Variants in LGR4 observed in about 807,000 individuals in gnomAD.
LGR4 encodes leucine rich repeat containing G protein-coupled receptor 4.
LGR4 carries 44 observed loss-of-function variants against 84.8 expected under a neutral mutation model. The observed-to-expected ratio is 0.52, with a 90% CI of 0.41 to 0.67. The LOEUF (loss-of-function observed/expected upper bound fraction) is 0.67. LGR4 is among the 30% of genes least tolerant of loss of function. The pLI, the probability that LGR4 is intolerant of heterozygous loss-of-function variation, is 0.00. For synonymous variants in LGR4, 429 were observed against 434.3 expected (o/e 0.99, Z 0.15); for missense variants, 1,032 against 1,131.4 (o/e 0.91, Z 1.26).
chr11:27,394,604 T>C (rs1863352672), intron 2 of LGR4, among the ~76,000 whole-genome samples: 1 of 152,124 alleles, frequency 6.6e-6, no homozygotes, highest in Admixed American at 6.6e-5. Context: ...GGTTTCACCA[T>C]GTTGGCCAGG....
intron 2 of LGR4, among the ~76,000 whole-genome samples, chr11:27,401,928 G>C (rs189135544): frequency 1.3e-5 from 2 of 152,210 alleles, no homozygotes; most frequent in Non-Finnish European, 2.9e-5. Context: ...CTGCTAAGTG[G>C]TGAGAAGTAG....
chr11:27,426,993 G>A (rs927105446), intron 1 of LGR4, among the ~76,000 whole-genome samples: 4 of 152,138 alleles, frequency 2.6e-5, no homozygotes, highest in African/African-American at 7.2e-5. Flanking sequence ...CTAAAGTAAT[G>A]ACCTAATGTT....
intron 13 of LGR4, among the ~76,000 whole-genome samples, chr11:27,374,512 C>A (rs2133363666): frequency 6.6e-6 from 1 of 152,182 alleles, no homozygotes; most frequent in East Asian, 1.9e-4. Flanking sequence ...GCTGCAGATA[C>A]CCTTCTTTTC....
intron 2 of LGR4, among the ~76,000 whole-genome samples, chr11:27,407,788 G>A (rs897651817): frequency 6.6e-6 from 1 of 151,978 alleles, no homozygotes; most frequent in Non-Finnish European, 1.5e-5. Context: ...CAATCATCTT[G>A]TGGTTATTCA....
intron 2 of LGR4, among the ~76,000 whole-genome samples, chr11:27,410,693 A>G (rs541042690): frequency 5.3e-5 from 8 of 152,174 alleles, no homozygotes; most frequent in Non-Finnish European, 8.8e-5. Context: ...AAAAGTTATT[A>G]AAGACTATTT....
chr11:27,396,255 C>A lies in LGR4; in HGVS notation c.258-3737G>T, dbSNP rs552264221. ...GAAATAATTCACAGAAAAGGTGGGG[C>A]AGAGTGGACTTGAGCAAGTTAACAG... is the stretch of plus-strand genomic sequence containing the variant. On this transcript the variant is annotated intron_variant, in intron 2 of 17. Transcript: ENST00000379214. Among the ~76,000 whole-genome samples the A allele has an allele frequency of 8.9e-4, 135 of 152,302 alleles. 1 individual carries two copies. The highest frequency in any genetic ancestry group is 3.2e-3 in the African/African-American group (132 of 41,586).
chr11:27,441,556 T>G (rs1864303677), intron 1 of LGR4, among the ~76,000 whole-genome samples: 1 of 152,026 alleles, frequency 6.6e-6, no homozygotes. Context: ...GAGAAAGAAA[T>G]GAATGATAGA....
intron 2 of LGR4, among the ~76,000 whole-genome samples, chr11:27,411,818 C>T (rs748368077): frequency 6.6e-6 from 1 of 152,048 alleles, no homozygotes; most frequent in Non-Finnish European, 1.5e-5. Flanking sequence ...TTATTAGACT[C>T]CTGTTCCCCA....
chr11:27,378,763 A>G lies in LGR4; in HGVS notation c.977T>C (p.Leu326Ser). The G allele has an allele frequency of 6.2e-7, 1 of 1,609,236 alleles. No homozygotes were observed. Among genetic ancestry groups the G allele is most frequent in the Non-Finnish European group, 8.5e-7 (1 of 1,177,038 alleles). The change falls in exon 11 of 18, where the codon TTG becomes TCG. Residue 326 changes from leucine (L) to serine (S), a missense_variant. By Grantham distance (145) the Leu-to-Ser change is moderately radical. Coordinates refer to ENST00000379214, the MANE Select transcript of LGR4 (RefSeq NM_018490.5). Reference protein sequence around the residue: ...TGTVHLESLTLTGTKISSIPN... With the variant: ...TGTVHLESLTSTGTKISSIPN... ...TATGCTGCTTATCTTTGTACCTGTC[A>G]AAGTCCTGCGGAAAAACATTATTCA...
In LGR4 at chr11:27,472,284, G is replaced by C. The variant is rs1864893497; in HGVS notation, c.19C>G (p.Leu7Val). The C allele has an allele frequency of 8.2e-7, 1 of 1,214,658 alleles. No individual in the cohort carries two copies. Among genetic ancestry groups the C allele is most frequent in the East Asian group, 3.4e-5 (1 of 29,152 alleles). 75.2% of individuals were successfully genotyped at this position (1,214,658 alleles called of 1,614,324 possible). The part of the protein sequence containing the change: MPGPLG[L>V]LCFLALGLLG... Reference sequence around the variant, plus strand: ...AGCCCCAGGGCGAGGAAGCAGAGCAGCCCTAGCGGGCCCGGCATTGCTGCG... The same window carrying C: ...AGCCCCAGGGCGAGGAAGCAGAGCACCCCTAGCGGGCCCGGCATTGCTGCG... Residue 7 changes from leucine (L) to valine (V), a missense_variant, in exon 1 of 18, where the codon CTG becomes GTG. Transcript: ENST00000379214.
At chr11:27,457,970 TA>T (rs1227896763) in intron 1 of LGR4, among the ~76,000 whole-genome samples, 36 of 148,920 alleles carry the variant, frequency 2.4e-4, no homozygotes, top group African/African-American at 8.4e-4. Context: ...CTGCAAAAAT[TA>T]AAAAAAAAAT....
intron 1 of LGR4, among the ~76,000 whole-genome samples, chr11:27,446,985 T>G (rs1383537865): frequency 6.9e-6 from 1 of 144,502 alleles, no homozygotes; most frequent in Non-Finnish European, 1.5e-5. Context: ...AACTGAATAA[T>G]GAGAACACTT....
chr11:27,448,512 G>A (rs560716406), intron 1 of LGR4, among the ~76,000 whole-genome samples: 17 of 152,020 alleles, frequency 1.1e-4, no homozygotes, highest in African/African-American at 3.9e-4. Context: ...GGCTGGTCTC[G>A]AACTCCCGAC....
chr11:27,371,840 G>C, intron 16 of LGR4, 142 bp from the exon 17 acceptor site: 2 of 628,304 alleles, frequency 3.2e-6, no homozygotes, highest in Non-Finnish European at 5.5e-6. Context: ...TGGTAGCATA[G>C]TGAATGCCAT....
intron 5 of LGR4, 46 bp downstream of exon 5, chr11:27,385,207 C>A: frequency 7.7e-7 from 1 of 1,307,090 alleles, no homozygotes. Context: ...TGTTTTTGTA[C>A]CCCAATTAAC....
At position 27,367,802 on chromosome 11, in the gene LGR4, G is replaced by T; in HGVS notation, c.*65C>A. 1.7e-6 allele frequency: 2 copies of T among 1,202,098 alleles called. No homozygotes were observed. Among genetic ancestry groups the T allele is most frequent in the East Asian group, 2.3e-5 (1 of 42,624 alleles). 74.5% of individuals were successfully genotyped at this position (1,202,098 alleles called of 1,614,324 possible). A position where few individuals can be genotyped will look rare whatever the true frequency, so the allele number is the denominator to read the frequency against. ...GAAGTGCTTCCCAGATGAAAGATGA[G>T]AATAGGGTTCACTCTATAAACACTG... is the stretch of plus-strand genomic sequence containing the variant. On this transcript the variant is annotated 3_prime_UTR_variant, in exon 18 of 18. Transcript: ENST00000379214.
At chr11:27,469,206 G>A (rs768100369) in intron 1 of LGR4, among the ~76,000 whole-genome samples, 27 of 152,168 alleles carry the variant, frequency 1.8e-4, no homozygotes, top group Non-Finnish European at 3.5e-4. Flanking sequence ...CAGTACTGAG[G>A]ATCACATCTG....
intron 2 of LGR4, among the ~76,000 whole-genome samples, chr11:27,398,010 G>T (rs533164996): frequency 6.6e-6 from 1 of 152,322 alleles, no homozygotes; most frequent in South Asian, 2.1e-4. Flanking sequence ...CATACAAGTG[G>T]CTCAGTGTGC....
chr11:27,461,556 C>A (rs959176448), intron 1 of LGR4, among the ~76,000 whole-genome samples: 2 of 152,056 alleles, frequency 1.3e-5, no homozygotes, highest in African/African-American at 4.8e-5. Context: ...AGGCCCCATG[C>A]AGCCTAGGAT....
Sources: allele counts gnomAD v4.1 joint callset (sites outside exome capture counted in the v4.1 genomes callset), GRCh38; gene constraint gnomAD v4.1.1; transcripts MANE v1.5; gene names NCBI Gene and HGNC (gene_info 2026-07-23, HGNC 2026-07-21).